The following RYK variants were observed in gnomAD, a reference collection of about 807,000 sequenced individuals.
The protein encoded by RYK is inactive tyrosine-protein kinase RYK.
A neutral mutation model predicts 70.2 loss-of-function variants in RYK; 21 were observed. That is an observed-to-expected ratio of 0.30 (90% confidence interval 0.21 to 0.43). RYK has a LOEUF of 0.43. Ranked by LOEUF, RYK falls within the 20% of genes least tolerant of loss-of-function variation. RYK has a pLI of 1.00. For synonymous variants in RYK, 267 were observed against 278.0 expected, an observed-to-expected ratio of 0.96 and a Z score of 0.39; for missense variants, 604 against 753.3, an observed-to-expected ratio of 0.80 and a Z score of 2.32.
chr3:134,163,770 G>GTC (rs2012562631), intron 13 of RYK, among the ~76,000 whole-genome samples: 2 of 152,166 alleles, frequency 1.3e-5, no homozygotes, highest in Non-Finnish European at 2.9e-5. Flanking sequence ...CACAGTGGAA[G>GTC]CATCATCAGG....
At position 134,178,011 on chromosome 3, in the gene RYK, G is replaced by C; in HGVS notation, c.1235C>G (p.Pro412Arg). Residue 412 changes from proline to arginine, a missense_variant, in exon 11 of 15, where the codon CCT (proline) becomes CGT (arginine). Around this residue, in one of 2 missense-constraint regions of RYK, gnomAD observed 466 missense variants for 535.9 expected, o/e 0.87. Transcript: ENST00000623711. ...EEGEKPMVIL[P>R]YMNWGNLKLF... ...TTTAAGATTCCCCCAATTCATGTAAGGCAATATCACCATGGGCTTTTCTCC... is the reference window on the plus strand; with the variant it reads ...TTTAAGATTCCCCCAATTCATGTAACGCAATATCACCATGGGCTTTTCTCC... 1.9e-6 allele frequency: 3 copies of C among 1,609,524 alleles called. No individual in the cohort carries two copies. Among genetic ancestry groups the C allele is most frequent in the Non-Finnish European group, 2.6e-6 (3 of 1,176,310 alleles).
At chr3:134,196,580 AAAACAC>A (rs751051184) in intron 6 of RYK, among the ~76,000 whole-genome samples, 13,087 of 127,222 alleles carry the variant, frequency 0.1, 656 homozygotes, top group Middle Eastern at 0.16. Context: ...TCTCTGAAAC[AAAACAC>A]ACACACACAC....
intron 3 of RYK, among the ~76,000 whole-genome samples, chr3:134,211,295 G>T (rs941255703): frequency 6.6e-6 from 1 of 152,208 alleles, no homozygotes; most frequent in African/African-American, 2.4e-5. Context: ...AAGAGACAGG[G>T]AGGGCGGAGC....
intron 2 of RYK, 119 bp from the exon 3 acceptor site, chr3:134,211,726 C>T: frequency 1.6e-6 from 1 of 630,398 alleles, no homozygotes; most frequent in Non-Finnish European, 2.7e-6. Flanking sequence ...TACAAATAAT[C>T]TAGCTATAAA....
intron 1 of RYK, among the ~76,000 whole-genome samples, chr3:134,245,055 T>G (rs1156955283): frequency 6.6e-6 from 1 of 152,186 alleles, no homozygotes; most frequent in Admixed American, 6.5e-5. Flanking sequence ...GAAATAAATC[T>G]CTGTTGTTTA....
chr3:134,218,074 T>TTA (rs1443050772), intron 2 of RYK, among the ~76,000 whole-genome samples: 1 of 152,190 alleles, frequency 6.6e-6, no homozygotes, highest in African/African-American at 2.4e-5. Flanking sequence ...CAGTTTAGGT[T>TTA]TATATTCAAC....
chr3:134,218,004 C>T (rs546311279), intron 2 of RYK, among the ~76,000 whole-genome samples: 25 of 152,228 alleles, frequency 1.6e-4, no homozygotes, highest in African/African-American at 6.0e-4. Context: ...ACTAAAAAAA[C>T]ATCGTAAGAC....
chr3:134,246,188 C>G (rs930091686), intron 1 of RYK, among the ~76,000 whole-genome samples: 1 of 151,164 alleles, frequency 6.6e-6, no homozygotes, highest in Non-Finnish European at 1.5e-5. Context: ...ACCATTCCCC[C>G]CCTCCCACTC....
rs1459964535 is a variant in RYK at position 134,250,745 on chromosome 3, G to A, written c.-91C>T. 6 of 614,932 alleles carry A rather than the reference G, an allele frequency of 9.8e-6. No homozygotes were observed. Among genetic ancestry groups the A allele is most frequent in the Non-Finnish European group, 1.2e-5 (6 of 492,420 alleles). The allele number at this position is 614,932 out of a possible 1,614,324, so 38.1% of individuals were successfully genotyped here. ...CCGAGCCGCTCACAGCCCCGAGCCGGGGGCGGCTGCCCAGCTCATCGCACC... is the reference window on the plus strand; with the variant it reads ...CCGAGCCGCTCACAGCCCCGAGCCGAGGGCGGCTGCCCAGCTCATCGCACC... On this transcript the variant is annotated 5_prime_UTR_variant, in exon 1 of 15. Transcript: ENST00000623711.
At chr3:134,193,394 A>G (rs932387678) in intron 7 of RYK, among the ~76,000 whole-genome samples, 6 of 152,170 alleles carry the variant, frequency 3.9e-5, no homozygotes, top group Admixed American at 3.3e-4. Context: ...CGTGTTAGCC[A>G]GGATGGTCTT....
intron 2 of RYK, among the ~76,000 whole-genome samples, chr3:134,215,858 T>C (rs1020855733): frequency 2.0e-5 from 3 of 152,010 alleles, no homozygotes; most frequent in Admixed American, 6.5e-5. Context: ...GCCAACACGG[T>C]AAAACCCCGT....
chr3:134,216,507 T>C (rs575631775), intron 2 of RYK, among the ~76,000 whole-genome samples: 1 of 152,174 alleles, frequency 6.6e-6, no homozygotes, highest in African/African-American at 2.4e-5. Flanking sequence ...AAATAGCTAC[T>C]GACGGCCAGG....
At chr3:134,238,736 C>T (rs1252561312) in intron 1 of RYK, among the ~76,000 whole-genome samples, 1 of 152,126 alleles carries the variant, frequency 6.6e-6, no homozygotes, top group African/African-American at 2.4e-5. Context: ...TACCTGTACT[C>T]CACATGGTCA....
At chr3:134,163,150 C>T (rs1030596016) in intron 13 of RYK, among the ~76,000 whole-genome samples, 3 of 152,062 alleles carry the variant, frequency 2.0e-5, no homozygotes, top group South Asian at 2.1e-4. Context: ...CACTAAAAGA[C>T]GCCATAAAAA....
At chr3:134,160,725 C>G (rs1355232253) in intron 13 of RYK, among the ~76,000 whole-genome samples, 1 of 152,154 alleles carries the variant, frequency 6.6e-6, no homozygotes, top group Non-Finnish European at 1.5e-5. Context: ...CATGGTGGCG[C>G]ATGCCTGTAA....
Position 134,157,329 on chromosome 3 carries a change from G to A in RYK, c.*824C>T, listed in dbSNP as rs2012278454. On this transcript the variant is annotated 3_prime_UTR_variant, in exon 15 of 15. Transcript: ENST00000623711. ...GGGAATCTTAACCTTAGAAATATGAGTTCACTTTCTGGAATTGTATTATCT... is the reference window on the plus strand; with the variant it reads ...GGGAATCTTAACCTTAGAAATATGAATTCACTTTCTGGAATTGTATTATCT... 1 of 152,336 alleles carries A rather than the reference G, an allele frequency of 6.6e-6. No homozygotes were observed. The allele number at this position is 152,336 out of a possible 1,614,324, so 9.4% of individuals were successfully genotyped here.
chr3:134,186,818 T>TA (rs1210490140), intron 9 of RYK, among the ~76,000 whole-genome samples: 1 of 151,728 alleles, frequency 6.6e-6, no homozygotes, highest in African/African-American at 2.4e-5. Context: ...AAGTCAATAA[T>TA]AGCCCAGTTC....
At chr3:134,190,301 G>C (rs2013606317) in intron 8 of RYK, among the ~76,000 whole-genome samples, 1 of 152,046 alleles carries the variant, frequency 6.6e-6, no homozygotes, top group Admixed American at 6.5e-5. Flanking sequence ...TAACTCTCTT[G>C]CACTGAAGCA....
chr3:134,165,613 C>T (rs1001915682), intron 13 of RYK, among the ~76,000 whole-genome samples: 4 of 152,164 alleles, frequency 2.6e-5, no homozygotes, highest in Non-Finnish European at 5.9e-5. Flanking sequence ...TGGGGTGGGG[C>T]TCTGGCAAAC....
Sources: gnomAD v4.1 joint callset for allele counts (sites outside exome capture counted in the v4.1 genomes callset) on GRCh38, gnomAD v4.1.1 for gene constraint, gnomAD v4.1.1 regional missense constraint, MANE v1.5 for transcripts, NCBI Gene and HGNC (gene_info 2026-07-23, HGNC 2026-07-21) for gene names.